The following STIM1 variants were observed in gnomAD, a reference collection of about 807,000 sequenced individuals.
STIM1 encodes stromal interaction molecule 1.
STIM1 carries 25 observed loss-of-function variants against 74.7 expected under a neutral mutation model. The observed-to-expected ratio is 0.33, with a 90% confidence interval of 0.24 to 0.47. STIM1 has a LOEUF of 0.47. STIM1 is among the 20% of genes least tolerant of loss of function. STIM1 has a pLI of 1.00. For synonymous variants in STIM1, 328 were observed against 348.8 expected (o/e 0.94, Z 0.66); for missense variants, 728 against 920.8 (o/e 0.79, Z 2.71).
chr11:3,881,091 T>TAA (rs1169148093), intron 1 of STIM1, among the ~76,000 whole-genome samples: 330 of 130,806 alleles, frequency 2.5e-3, no homozygotes, highest in African/African-American at 8.7e-3. Context: ...GGCCGTTTAT[T>TAA]AAAAAAAAAA....
intron 2 of STIM1, among the ~76,000 whole-genome samples, chr11:3,968,935 G>T (rs779224527): frequency 6.6e-6 from 1 of 152,156 alleles, no homozygotes; most frequent in Non-Finnish European, 1.5e-5. Flanking sequence ...GCCTTAGAAA[G>T]GTTAAGCATT....
chr11:3,890,212 G>A (rs1250544538), intron 1 of STIM1, among the ~76,000 whole-genome samples: 1 of 152,164 alleles, frequency 6.6e-6, no homozygotes, highest in Non-Finnish European at 1.5e-5. Context: ...TGTAAAACAA[G>A]CCTAATGATA....
intron 2 of STIM1, among the ~76,000 whole-genome samples, chr11:4,001,264 A>G (rs2135907643): frequency 6.6e-6 from 1 of 151,606 alleles, no homozygotes; most frequent in Non-Finnish European, 1.5e-5. Flanking sequence ...CGAGAAGAGC[A>G]ACTCCAAGAC....
intron 1 of STIM1, among the ~76,000 whole-genome samples, chr11:3,959,275 T>C (rs1231274223): frequency 6.6e-6 from 1 of 152,140 alleles, no homozygotes; most frequent in Non-Finnish European, 1.5e-5. Context: ...ATTCGTCCTA[T>C]AGGGATGAAT....
At chr11:3,906,410 A>G (rs139186482) in intron 1 of STIM1, among the ~76,000 whole-genome samples, 14 of 152,336 alleles carry the variant, frequency 9.2e-5, no homozygotes, top group Admixed American at 7.8e-4. Context: ...CAGCTAGCAT[A>G]TGCCCTGACT....
chr11:3,980,770 T>C (rs2093496268), intron 2 of STIM1, among the ~76,000 whole-genome samples: 1 of 152,168 alleles, frequency 6.6e-6, no homozygotes, highest in Non-Finnish European at 1.5e-5. Context: ...GCATTATTGA[T>C]ATTTTGGGCC....
intron 1 of STIM1, among the ~76,000 whole-genome samples, chr11:3,862,865 TAC>T (rs201141361): frequency 7.9e-4 from 118 of 150,158 alleles, no homozygotes; most frequent in African/African-American, 2.7e-3. Flanking sequence ...TATCTGTAAG[TAC>T]ACACACACAC....
At position 3,871,274 on chromosome 11, in the gene STIM1, A is replaced by G. The variant is rs140765429; in HGVS notation, c.139+14865A>G. Among the ~76,000 whole-genome samples the G allele has an allele frequency of 8.0e-3, 1,221 of 152,260 alleles. 15 individuals are homozygous for G. Among genetic ancestry groups the G allele is most frequent in the Middle Eastern group, 0.031 (9 of 294 alleles). ...AAAGTGGAGGCAAAGTGATAGCTGA[A>G]TTTAGGCTATGCTTGGTGAGAACTT... On this transcript the variant is annotated intron_variant, in intron 1 of 12. Coordinates refer to ENST00000526596, the MANE Select transcript of STIM1 (RefSeq NM_001382567.1).
intron 12 of STIM1, among the ~76,000 whole-genome samples, chr11:4,089,892 C>T (rs898637033): frequency 2.6e-5 from 4 of 152,160 alleles, no homozygotes; most frequent in Non-Finnish European, 5.9e-5. Context: ...CTGAGGTTCT[C>T]AGGCCTCTAG....
intron 6 of STIM1, among the ~76,000 whole-genome samples, chr11:4,073,859 G>C (rs1182804997): frequency 6.6e-6 from 1 of 152,162 alleles, no homozygotes; most frequent in Non-Finnish European, 1.5e-5. Flanking sequence ...AATTTAATTT[G>C]TTTTGTGCTT....
intron 1 of STIM1, among the ~76,000 whole-genome samples, chr11:3,871,580 A>C (rs1421462511): frequency 6.6e-6 from 1 of 152,186 alleles, no homozygotes; most frequent in Non-Finnish European, 1.5e-5. Context: ...AGATTTTCTA[A>C]TTTTAAAAAA....
chr11:4,076,687 T>A (rs545320828), intron 7 of STIM1, among the ~76,000 whole-genome samples: 1 of 151,616 alleles, frequency 6.6e-6, no homozygotes, highest in South Asian at 2.1e-4. Flanking sequence ...ATCTTTGTTT[T>A]TTTTCCCCCA....
chr11:4,036,409 C>G (rs1383085295), intron 3 of STIM1, among the ~76,000 whole-genome samples: 1 of 152,184 alleles, frequency 6.6e-6, no homozygotes, highest in East Asian at 1.9e-4. Flanking sequence ...ATTTCTGCTT[C>G]TAGATCTTTG....
Position 3,855,965 on chromosome 11 carries a change from T to C in STIM1, c.-306T>C. On this transcript the variant is annotated 5_prime_UTR_variant, in exon 1 of 13. Coordinates refer to ENST00000526596, the MANE Select transcript of STIM1 (RefSeq NM_001382567.1). ...GCCCCCTTCCGCAGGGGTGTAGTAATCTGCGGAGCTGACAGCAGCCCCGCA... is the reference window on the plus strand; with the variant it reads ...GCCCCCTTCCGCAGGGGTGTAGTAACCTGCGGAGCTGACAGCAGCCCCGCA... 1 of 444,224 alleles carries C rather than the reference T, an allele frequency of 2.3e-6. No individual in the cohort carries two copies. The highest frequency in any genetic ancestry group is 2.2e-5 in the South Asian group (1 of 45,390). The allele number at this position is 444,224 out of a possible 1,614,324, so 27.5% of individuals were successfully genotyped here. A position where few individuals can be genotyped will look rare whatever the true frequency, so the allele number is the denominator to read the frequency against.
chr11:3,986,044 C>T (rs2093555274), intron 2 of STIM1, among the ~76,000 whole-genome samples: 1 of 151,822 alleles, frequency 6.6e-6, no homozygotes, highest in African/African-American at 2.4e-5. Context: ...TCTCTTTTTT[C>T]TTCAAACATA....
intron 2 of STIM1, among the ~76,000 whole-genome samples, chr11:4,016,740 G>C (rs761710041): frequency 4.6e-5 from 7 of 151,936 alleles, no homozygotes; most frequent in Non-Finnish European, 8.8e-5. Context: ...TATTTACACT[G>C]TGAGCATAGA....
chr11:4,026,052 G>T (rs2093995688), intron 3 of STIM1, among the ~76,000 whole-genome samples: 1 of 152,088 alleles, frequency 6.6e-6, no homozygotes, highest in African/African-American at 2.4e-5. Flanking sequence ...TCAGAAAAAG[G>T]CCCCTAATCT....
Position 4,055,612 on chromosome 11 carries a change from C to T in STIM1, c.472C>T (p.Gln158Ter). The T allele has an allele frequency of 6.3e-7, 1 of 1,592,930 alleles. No individual in the cohort carries two copies. Among genetic ancestry groups the T allele is most frequent in the Non-Finnish European group, 8.5e-7 (1 of 1,170,318 alleles). ...PQYEETFRKLQLSGHAMPRLA... is the reference protein window; with the variant it reads ...PQYEETFRKL ...GTATGAGGAGACCTTCCGGAAGCTG[C>T]AGCTCAGTGGCCATGCCATGCCAAG... The change falls in exon 4 of 13, where the codon CAG (glutamine) becomes TAG (stop). Residue 158 changes from glutamine (Q) to a stop codon, truncating the protein, a stop_gained. Transcript: ENST00000526596. LOFTEE classifies it high-confidence loss of function.
chr11:3,973,086 C>T, intron 2 of STIM1: 3 of 434,934 alleles, frequency 6.9e-6, no homozygotes, highest in Middle Eastern at 8.0e-4. Context: ...CATAATCCTG[C>T]CTCCACTTCC....
Sources: gnomAD v4.1 joint callset for allele counts (sites outside exome capture counted in the v4.1 genomes callset) on GRCh38, gnomAD v4.1.1 for gene constraint, MANE v1.5 for transcripts, NCBI Gene and HGNC (gene_info 2026-07-23, HGNC 2026-07-21) for gene names.